IQCJ: variants seen among roughly 807,000 people sequenced by gnomAD.
IQCJ encodes IQ motif containing J.
IQCJ carries 9 observed loss-of-function variants against 11.0 expected under a neutral mutation model. That is an observed-to-expected ratio of 0.82 (90% CI 0.49 to 1.43). IQCJ has a LOEUF of 1.43. Among genes scored for constraint, IQCJ ranks in the 40% most tolerant of loss-of-function variants. The pLI, the probability that IQCJ is intolerant of heterozygous loss-of-function variation, is 0.00. For missense variants in IQCJ, 146 were observed against 133.2 expected, an observed-to-expected ratio of 1.10 and a Z score of -0.47; for synonymous variants, 55 against 51.3, an observed-to-expected ratio of 1.07 and a Z score of -0.31.
chr3:159,090,839 G>A (rs1194426604), intron 1 of IQCJ, among the ~76,000 whole-genome samples: 4 of 151,784 alleles, frequency 2.6e-5, no homozygotes, highest in African/African-American at 7.3e-5. Context: ...GGAAGGAATC[G>A]ACAAAATTGT....
chr3:159,214,240 C>T (rs763136949), intron 1 of IQCJ, among the ~76,000 whole-genome samples: 3 of 152,164 alleles, frequency 2.0e-5, no homozygotes, highest in Non-Finnish European at 4.4e-5. Context: ...CACCATTATT[C>T]TCTCCGTTAA....
At chr3:159,219,903 C>T (rs139895142) in intron 1 of IQCJ, among the ~76,000 whole-genome samples, 70 of 152,166 alleles carry the variant, frequency 4.6e-4, no homozygotes, top group African/African-American at 1.5e-3. Context: ...AGGAGAAAGC[C>T]GACTTAAGTG....
intron 1 of IQCJ, among the ~76,000 whole-genome samples, chr3:159,167,322 A>C (rs763675861): frequency 6.6e-6 from 1 of 152,202 alleles, no homozygotes; most frequent in Non-Finnish European, 1.5e-5. Flanking sequence ...CCATTTTCTG[A>C]AAAGGAAAAT....
chr3:159,142,861 G>T (rs1720708234), intron 1 of IQCJ, among the ~76,000 whole-genome samples: 1 of 151,976 alleles, frequency 6.6e-6, no homozygotes, highest in Non-Finnish European at 1.5e-5. Context: ...AATTTTTTAA[G>T]TGTTAGAAAA....
At position 159,151,248 on chromosome 3, in the gene IQCJ, C is replaced by A. The variant is rs1042300542; in HGVS notation, c.9+81807C>A. Reference sequence around the variant, plus strand: ...ATCTTAGCCTGGTGGCGTGGGGAGCCACTGTGCTCTGTCAGCCCACACCCT... The same window carrying A: ...ATCTTAGCCTGGTGGCGTGGGGAGCAACTGTGCTCTGTCAGCCCACACCCT... On this transcript the variant is annotated intron_variant, in intron 1 of 3. Transcript: ENST00000397832. Among the ~76,000 whole-genome samples the A allele has an allele frequency of 2.0e-5, 3 of 152,310 alleles. 1 individual carries two copies. The highest frequency in any genetic ancestry group is 1.9e-4 in the East Asian group (1 of 5,184).
chr3:159,237,364 G>A (rs1726654675), intron 1 of IQCJ, among the ~76,000 whole-genome samples: 1 of 152,228 alleles, frequency 6.6e-6, no homozygotes, highest in Non-Finnish European at 1.5e-5. Flanking sequence ...TGATGGGCTT[G>A]TCTAACCTCT....
At chr3:159,149,935 A>C (rs1721114978) in intron 1 of IQCJ, among the ~76,000 whole-genome samples, 1 of 152,126 alleles carries the variant, frequency 6.6e-6, no homozygotes, top group South Asian at 2.1e-4. Context: ...AGTATGCCAA[A>C]GTCCTTTAAG....
At chr3:159,245,329 T>C (rs1727194694) in intron 1 of IQCJ, among the ~76,000 whole-genome samples, 1 of 151,076 alleles carries the variant, frequency 6.6e-6, no homozygotes, top group South Asian at 2.1e-4. Context: ...TCTGAAAAAC[T>C]GATAGGAAAC....
At chr3:159,149,601 A>G (rs1447040363) in intron 1 of IQCJ, among the ~76,000 whole-genome samples, 1 of 152,200 alleles carries the variant, frequency 6.6e-6, no homozygotes, top group African/African-American at 2.4e-5. Flanking sequence ...TAATGGGAAT[A>G]TGATATTCCT....
At chr3:159,170,508 C>T (rs768107449) in intron 1 of IQCJ, among the ~76,000 whole-genome samples, 5 of 152,188 alleles carry the variant, frequency 3.3e-5, no homozygotes, top group African/African-American at 7.2e-5. Context: ...AAGGAGACTG[C>T]AGCCAACAGG....
At position 159,101,923 on chromosome 3, in the gene IQCJ, A is replaced by G. The variant is rs762962666; in HGVS notation, c.9+32482A>G. On this transcript the variant is annotated intron_variant, in intron 1 of 3. Coordinates refer to ENST00000397832, the MANE Select transcript of IQCJ (RefSeq NM_001042706.3). ...TATACTTCAGTATACAATTTCATGT[A>G]TCTGCTATTTACACACAGCAGCTGC... is the stretch of plus-strand genomic sequence containing the variant. Among the ~76,000 whole-genome samples the G allele has an allele frequency of 1.3e-4, 20 of 152,352 alleles. No individual in the cohort carries two copies. In the Middle Eastern group the frequency reaches 0.01, roughly 78 times the overall value.
At chr3:159,255,839 C>A (rs555964707) in intron 3 of IQCJ, among the ~76,000 whole-genome samples, 1 of 152,252 alleles carries the variant, frequency 6.6e-6, no homozygotes, top group East Asian at 1.9e-4. Flanking sequence ...CAAAGGCAAG[C>A]CTCTCAAATC....
rs138703792 is a variant in IQCJ, at chr3:159,263,508, G to A, written c.*777G>A. On this transcript the variant is annotated 3_prime_UTR_variant, in exon 4 of 4. Coordinates refer to ENST00000397832, the MANE Select transcript of IQCJ (RefSeq NM_001042706.3). ...TGAGGGATTTATGAACCAGGATTTT[G>A]TGGATTTAAGCATTGTGATAATTTG... 6.1e-6 allele frequency: 6 copies of A among 984,764 alleles called. No individual in the cohort carries two copies. In the East Asian group the frequency reaches 6.8e-4, roughly 112 times the overall value. 61.0% of individuals were successfully genotyped at this position (984,764 alleles called of 1,614,324 possible).
chr3:159,180,549 A>G (rs9832278), intron 1 of IQCJ, among the ~76,000 whole-genome samples: 2,995 of 152,060 alleles, frequency 0.02, 144 homozygotes, highest in African/African-American at 0.069. Context: ...ATGGATGAAT[A>G]GATAGATGAT....
At chr3:159,195,342 T>TTATTGGTTTGGTGGCCAA (rs1723922592) in intron 1 of IQCJ, among the ~76,000 whole-genome samples, 1 of 152,140 alleles carries the variant, frequency 6.6e-6, no homozygotes, top group Admixed American at 6.5e-5. Context: ...TTGACCCTGG[T>TTATTGGTTTGGTGGCCAA]TATTGGTTTG....
intron 1 of IQCJ, among the ~76,000 whole-genome samples, chr3:159,126,024 G>A (rs1257810901): frequency 6.6e-6 from 1 of 152,176 alleles, no homozygotes; most frequent in Non-Finnish European, 1.5e-5. Context: ...AGCAGGGCGG[G>A]GCACATTGCT....
rs1553787480 is a variant in IQCJ, at chr3:159,200,104, A to AATAAATATATATATATAT, written c.10-45736_10-45735insAATATATATATATATATA. Among the ~76,000 whole-genome samples the AATAAATATATATATATAT allele has an allele frequency of 2.7e-4, 31 of 116,952 alleles. 3 individuals are homozygous for AATAAATATATATATATAT. Among genetic ancestry groups the AATAAATATATATATATAT allele is most frequent in the African/African-American group, 1.0e-3 (27 of 26,394 alleles). The allele number at this position is 116,952 out of a possible 152,430, so 76.7% of individuals were successfully genotyped here. On this transcript the variant is annotated intron_variant, in intron 1 of 3. Coordinates refer to ENST00000397832, the MANE Select transcript of IQCJ (RefSeq NM_001042706.3). Reference sequence around the variant, plus strand: ...ATATGTATGTATGTGTTTATACATAAATATATATATATATATCACTTTGAA... The same window carrying AATAAATATATATATATAT: ...ATATGTATGTATGTGTTTATACATAAATAAATATATATATATATATATATATATATATATCACTTTGAA...
intron 1 of IQCJ, among the ~76,000 whole-genome samples, chr3:159,117,850 C>A (rs1023458295): frequency 2.6e-5 from 4 of 152,116 alleles, no homozygotes; most frequent in African/African-American, 9.7e-5. Flanking sequence ...ACAGTTTTTA[C>A]ACGTTTATAA....
At chr3:159,188,230 G>A (rs1409055179) in intron 1 of IQCJ, among the ~76,000 whole-genome samples, 1 of 152,120 alleles carries the variant, frequency 6.6e-6, no homozygotes, top group East Asian at 1.9e-4. Flanking sequence ...TGCCAACATG[G>A]TGAAACCTTG....
Sources: allele counts gnomAD v4.1 joint callset (sites outside exome capture counted in the v4.1 genomes callset), GRCh38; gene constraint gnomAD v4.1.1; transcripts MANE v1.5; gene names NCBI Gene and HGNC (gene_info 2026-07-23, HGNC 2026-07-21).